The following CD99 variants were observed in gnomAD, a reference collection of about 807,000 sequenced individuals.
CD99 encodes CD99 antigen.
In CD99, 19 loss-of-function variants were observed where a neutral mutation model predicts 28.4. The ratio of observed to expected loss-of-function variants is 0.67; its 90% CI spans 0.47 to 0.98. CD99 has a LOEUF of 0.98. Ranked by LOEUF, CD99 falls within the 50% of genes least tolerant of loss-of-function variation. The pLI, the probability that CD99 is intolerant of heterozygous loss-of-function variation, is 0.00. For missense variants in CD99, 283 were observed against 248.8 expected (o/e 1.14, Z -0.92); for synonymous variants, 103 against 92.1 (o/e 1.12, Z -0.67).
chrX:2,717,936 C>CTT, intron 3 of CD99: 1 of 313,638 alleles, frequency 3.2e-6, no homozygotes, highest in Non-Finnish European at 5.5e-6. Flanking sequence ...GATTTTCTTC[C>CTT]CTTTTTTTTT....
At chrX:2,691,864 C>T (rs748052923) in intron 1 of CD99, 5 of 778,684 alleles carry the variant, frequency 6.4e-6, no homozygotes, top group Non-Finnish European at 9.6e-6. Flanking sequence ...CCCTGCGTCC[C>T]GGGCCTAAAT....
chrX:2,731,920 G>C (rs186106161), intron 8 of CD99, among the ~76,000 whole-genome samples: 12,450 of 151,530 alleles, frequency 0.082, 573 homozygotes, highest in African/African-American at 0.13. Context: ...TGCGGTTTAT[G>C]CCATTAAAAG....
At chrX:2,698,324 C>T (rs2047674757) in intron 1 of CD99, among the ~76,000 whole-genome samples, 1 of 151,974 alleles carries the variant, frequency 6.6e-6, no homozygotes, top group African/African-American at 2.4e-5. Flanking sequence ...CATGTGCCAC[C>T]CTCAGCTAAT....
At chrX:2,740,246 A>C (rs1317673889) in intron 9 of CD99, among the ~76,000 whole-genome samples, 1 of 152,210 alleles carries the variant, frequency 6.6e-6, no homozygotes, top group Non-Finnish European at 1.5e-5. Context: ...ATTAGCCAGT[A>C]CATTGGTATA....
At position 2,694,688 on chromosome X, in the gene CD99, G is replaced by A. The variant is rs146982931; in HGVS notation, c.67+3261G>A. 8.4e-3 allele frequency among the ~76,000 whole-genome samples: 1,273 copies of A among 152,170 alleles called. 14 individuals carry two copies. The highest frequency in any genetic ancestry group is 0.026 in the African/African-American group (1,084 of 41,520). On this transcript the variant is annotated intron_variant, in intron 1 of 9. Transcript: ENST00000381192. The stretch of plus-strand genomic sequence containing the variant: ...AAATCACTTCAGCCCGGGAAGCAGA[G>A]GTTGCAGTGAGCTGAGATCGTGTCA...
At chrX:2,714,926 T>TTTTAAA in intron 2 of CD99, 1 of 155,322 alleles carries the variant, frequency 6.4e-6, no homozygotes. Context: ...CTTGTTAAGA[T>TTTTAAA]AAATGAACCA....
At chrX:2,740,109 A>ATAG (rs1379662368) in intron 9 of CD99, among the ~76,000 whole-genome samples, 14 of 151,868 alleles carry the variant, frequency 9.2e-5, no homozygotes, top group Non-Finnish European at 1.8e-4. Flanking sequence ...AATAATAATA[A>ATAG]TAATAAAAGA....
rs190433974 is a variant in CD99, at chrX:2,733,688, T to G, written c.476-4512T>G. 361 of 459,420 alleles carry G rather than the reference T, an allele frequency of 7.9e-4. 2 individuals carry two copies. Among genetic ancestry groups the G allele is most frequent in the African/African-American group, 5.7e-3 (297 of 51,902 alleles). The allele number at this position is 459,420 out of a possible 1,614,324, so 28.5% of individuals were successfully genotyped here. A position where few individuals can be genotyped will look rare whatever the true frequency, so the allele number is the denominator to read the frequency against. ...AGAAACAGGGCAGTGACTTCCATGT[T>G]TTAATGAGTTTTGTCCCTAAGTCCA... On this transcript the variant is annotated intron_variant, in intron 8 of 9. Coordinates refer to ENST00000381192, the MANE Select transcript of CD99 (RefSeq NM_002414.5).
chrX:2,691,865 G>A (rs201872210), intron 1 of CD99: 10 of 778,690 alleles, frequency 1.3e-5, no homozygotes, highest in East Asian at 2.4e-5. Flanking sequence ...CCTGCGTCCC[G>A]GGCCTAAATT....
chrX:2,723,682 C>A (rs1055232377), intron 7 of CD99, among the ~76,000 whole-genome samples: 1 of 152,188 alleles, frequency 6.6e-6, no homozygotes, highest in South Asian at 2.1e-4. Flanking sequence ...CTCACCCTAA[C>A]GATCAGAGGC....
In CD99 at chrX:2,733,859, G is replaced by A. The variant is rs1295097355; in HGVS notation, c.476-4341G>A. 3.9e-5 allele frequency among the ~76,000 whole-genome samples: 6 copies of A among 152,304 alleles called. No individual in the cohort carries two copies. In the South Asian group the frequency reaches 6.2e-4, roughly 16 times the overall value. ...CTTCAACGTTTTTGGCCGTTGACTT[G>A]CATTTCTCACTGCACTTCCTATGAA... On this transcript the variant is annotated intron_variant, in intron 8 of 9. Coordinates refer to ENST00000381192, the MANE Select transcript of CD99 (RefSeq NM_002414.5).
intron 1 of CD99, chrX:2,692,227 T>C (rs2047346765): frequency 5.1e-6 from 2 of 393,148 alleles, no homozygotes; most frequent in African/African-American, 2.1e-5. Flanking sequence ...ATGTGGTATG[T>C]TATAAATTCT....
intron 7 of CD99, 65 bp downstream of exon 7, chrX:2,723,429 G>A: frequency 6.3e-7 from 1 of 1,575,424 alleles, no homozygotes; most frequent in Non-Finnish European, 8.7e-7. Flanking sequence ...GAAGCAGAAT[G>A]TCTGAGAGCT....
chrX:2,727,540 A>G (rs2049358159), intron 8 of CD99, among the ~76,000 whole-genome samples: 1 of 152,126 alleles, frequency 6.6e-6, no homozygotes, highest in South Asian at 2.1e-4. Context: ...GCAGTGGCGC[A>G]ATCTCAGCTC....
intron 9 of CD99, among the ~76,000 whole-genome samples, chrX:2,739,997 CAGG>C (rs964183118): frequency 3.4e-4 from 51 of 150,560 alleles, no homozygotes; most frequent in African/African-American, 1.2e-3. Context: ...AAGGCTGAGG[CAGG>C]AGAATCGCTT....
At chrX:2,722,395 A>G (rs775095378) in intron 5 of CD99, among the ~76,000 whole-genome samples, 31 of 152,184 alleles carry the variant, frequency 2.0e-4, no homozygotes, top group African/African-American at 7.0e-4. Flanking sequence ...ATCTTGGCTC[A>G]CTGCAACCTC....
chrX:2,734,680 A>G (rs955356246), intron 8 of CD99, among the ~76,000 whole-genome samples: 5 of 82,150 alleles, frequency 6.1e-5, no homozygotes, highest in African/African-American at 1.9e-4. Context: ...TTTTCTTTTT[A>G]TCTTATTTCT....
At chrX:2,725,612 TTTTTGTTTTG>T (rs201849362) in intron 7 of CD99, among the ~76,000 whole-genome samples, 3,352 of 152,102 alleles carry the variant, frequency 0.022, 80 homozygotes, top group East Asian at 0.13. Flanking sequence ...CTCTCTTTCT[TTTTTGTTTTG>T]TTTTGTTTTG....
At chrX:2,712,429 A>C (rs1461112563) in intron 1 of CD99, among the ~76,000 whole-genome samples, 1 of 152,158 alleles carries the variant, frequency 6.6e-6, no homozygotes, top group Non-Finnish European at 1.5e-5. Flanking sequence ...AAAGAAAAAA[A>C]ATACTTCAAA....
Sources: gnomAD v4.1 joint callset for allele counts (sites outside exome capture counted in the v4.1 genomes callset) on GRCh38, gnomAD v4.1.1 for gene constraint, MANE v1.5 for transcripts, NCBI Gene and HGNC (gene_info 2026-07-23, HGNC 2026-07-21) for gene names.